The following FIGN variants were observed in gnomAD, a reference collection of about 807,000 sequenced individuals.
FIGN encodes fidgetin, microtubule severing factor.
In FIGN, 11 loss-of-function variants were observed where a neutral mutation model predicts 51.3. The ratio of observed to expected loss-of-function variants is 0.21; its 90% confidence interval spans 0.13 to 0.35. The LOEUF is 0.35. Ranked by LOEUF, FIGN falls within the 10% of genes least tolerant of loss-of-function variation. The pLI, the probability that FIGN is intolerant of heterozygous loss-of-function variation, is 1.00. For synonymous variants in FIGN, 407 were observed against 363.2 expected (o/e 1.12, Z -1.37); for missense variants, 857 against 943.6 (o/e 0.91, Z 1.20).
intron 2 of FIGN, among the ~76,000 whole-genome samples, chr2:163,719,324 AGG>A (rs1412331563): frequency 6.6e-6 from 1 of 152,196 alleles, no homozygotes; most frequent in East Asian, 1.9e-4. Context: ...GGCGGTAAGA[AGG>A]GAGACACAAG....
rs377213389 is a variant in FIGN at position 163,610,500 on chromosome 2, G to A, written c.1332C>T (p.Gly444=). 28 of 1,614,126 alleles carry A rather than the reference G, an allele frequency of 1.7e-5. No homozygotes were observed. In the African/African-American group the frequency reaches 2.9e-4, roughly 17 times the overall value. The change falls in exon 3 of 3, where the codon GGC becomes GGT. Residue 444 remains glycine (G), a synonymous_variant. Coordinates refer to ENST00000333129, the MANE Select transcript of FIGN (RefSeq NM_018086.4). Reference sequence around the variant, plus strand: ...ATGAGGTAGCTGCACGGAGTCCAGGGCCTTGCATTGGGTGAGAGAGGAGCT... The same window carrying A: ...ATGAGGTAGCTGCACGGAGTCCAGGACCTTGCATTGGGTGAGAGAGGAGCT... ...HRQLLSHPMQ[G]PGLRAATSSN... is the part of the protein sequence containing the mutation.
chr2:163,681,454 T>C lies in FIGN; in HGVS notation c.25+53449A>G, dbSNP rs116044305. Among the ~76,000 whole-genome samples the C allele has an allele frequency of 7.0e-3, 1,066 of 152,234 alleles. 11 individuals carry two copies. The highest frequency in any genetic ancestry group is 0.024 in the African/African-American group (981 of 41,542). ...GGCCATGAACAGTGGCTCATAATTA[T>C]AATCCCAGCACTATGAGAGGCTGAG... On this transcript the variant is annotated intron_variant, in intron 2 of 2. Transcript: ENST00000333129.
At chr2:163,657,366 T>C (rs1683577629) in intron 2 of FIGN, among the ~76,000 whole-genome samples, 1 of 152,148 alleles carries the variant, frequency 6.6e-6, no homozygotes, top group Admixed American at 6.6e-5. Context: ...GGTACATGAC[T>C]AGCCTGAAAA....
Position 163,722,245 on chromosome 2 carries a change from G to A in FIGN, c.25+12658C>T, listed in dbSNP as rs536544575. ...AAAGACATTCACGAATTAAGTTATC[G>A]TATCAACTGTAGATCAACTAGTTTG... On this transcript the variant is annotated intron_variant, in intron 2 of 2. Transcript: ENST00000333129. Among the ~76,000 whole-genome samples, 14 of 152,252 alleles carry A rather than the reference G, an allele frequency of 9.2e-5. No individual in the cohort carries two copies. In the South Asian group the frequency reaches 1.2e-3, roughly 14 times the overall value.
intron 2 of FIGN, among the ~76,000 whole-genome samples, chr2:163,697,081 ATTT>A (rs1217357516): frequency 1.2e-4 from 17 of 139,846 alleles, no homozygotes; most frequent in African/African-American, 4.3e-4. Flanking sequence ...TTGTGTCATA[ATTT>A]TTTTTCTTTT....
intron 2 of FIGN, among the ~76,000 whole-genome samples, chr2:163,716,237 C>T (rs1289703099): frequency 6.6e-6 from 1 of 152,174 alleles, no homozygotes; most frequent in Non-Finnish European, 1.5e-5. Flanking sequence ...TCTATGGATG[C>T]TTCTGAATCT....
At chr2:163,614,608 GAAA>G (rs113121034) in intron 2 of FIGN, among the ~76,000 whole-genome samples, 1 of 150,156 alleles carries the variant, frequency 6.7e-6, no homozygotes, top group Non-Finnish European at 1.5e-5. Flanking sequence ...AGAAAAACGT[GAAA>G]AAAAAAGTCT....
At chr2:163,667,338 CAAA>C (rs397952314) in intron 2 of FIGN, among the ~76,000 whole-genome samples, 1 of 127,526 alleles carries the variant, frequency 7.8e-6, no homozygotes. Context: ...ACTATCCCCA[CAAA>C]AAAAAAAAAA....
In FIGN at chr2:163,611,123, T is replaced by C; in HGVS notation, c.709A>G (p.Asn237Asp). The C allele has an allele frequency of 4.3e-6, 7 of 1,614,026 alleles. No homozygotes were observed. The highest frequency in any genetic ancestry group is 5.9e-6 in the Non-Finnish European group (7 of 1,179,974). Reference protein sequence around the residue: ...PPPPALVPGYNGTSNLSSYSY... With the variant: ...PPPPALVPGYDGTSNLSSYSY... ...TAACTGGAGAGGTTAGAAGTCCCATTGTAGCCTGGGACCAAGGCTGGTGGC... is the reference window on the plus strand; with the variant it reads ...TAACTGGAGAGGTTAGAAGTCCCATCGTAGCCTGGGACCAAGGCTGGTGGC... Residue 237 changes from asparagine (N) to aspartate (D), a missense_variant, in exon 3 of 3, where the codon AAT becomes GAT. Asn to Asp is a conservative substitution (Grantham distance 23). Transcript: ENST00000333129.
At position 163,609,370 on chromosome 2, in the gene FIGN, A is replaced by C. The variant is rs969344274; in HGVS notation, c.*182T>G. The C allele has an allele frequency of 1.7e-6, 1 of 601,572 alleles. No individual in the cohort carries two copies. Among genetic ancestry groups the C allele is most frequent in the South Asian group, 2.2e-5 (1 of 44,674 alleles). 37.3% of individuals were successfully genotyped at this position (601,572 alleles called of 1,614,324 possible). On this transcript the variant is annotated 3_prime_UTR_variant, in exon 3 of 3. Coordinates refer to ENST00000333129, the MANE Select transcript of FIGN (RefSeq NM_018086.4). ...TGTCATCTGGGGCTTTCAAATCAGA[A>C]GCTCTCATTTGATGCACTTTTCCTC...
intron 2 of FIGN, among the ~76,000 whole-genome samples, chr2:163,729,619 C>T (rs891045598): frequency 2.0e-5 from 3 of 152,060 alleles, no homozygotes; most frequent in African/African-American, 7.2e-5. Flanking sequence ...AATACTTAAG[C>T]TGAGCTATAG....
chr2:163,634,692 T>C (rs995361596), intron 2 of FIGN, among the ~76,000 whole-genome samples: 6 of 152,232 alleles, frequency 3.9e-5, no homozygotes, highest in Admixed American at 6.5e-5. Flanking sequence ...GAATCCTCTA[T>C]AGCATAGCAT....
chr2:163,674,220 G>C (rs1434917155), intron 2 of FIGN, among the ~76,000 whole-genome samples: 1 of 152,134 alleles, frequency 6.6e-6, no homozygotes, highest in Non-Finnish European at 1.5e-5. Context: ...AGGTGGGAGG[G>C]AGGAGCTTTC....
chr2:163,711,316 G>A lies in FIGN; in HGVS notation c.25+23587C>T, dbSNP rs181935086. ...ATTGAGTAATTAAACACCTATTATT[G>A]TCATGGGTAGTGAAACAATGAATAT... On this transcript the variant is annotated intron_variant, in intron 2 of 2. Transcript: ENST00000333129. Among the ~76,000 whole-genome samples, 7 of 152,244 alleles carry A rather than the reference G, an allele frequency of 4.6e-5. No homozygotes were observed. In the East Asian group the frequency reaches 1.3e-3, roughly 29 times the overall value.
chr2:163,709,740 C>T (rs1223110155), intron 2 of FIGN, among the ~76,000 whole-genome samples: 1 of 152,032 alleles, frequency 6.6e-6, no homozygotes, highest in Non-Finnish European at 1.5e-5. Context: ...ACATAAAACA[C>T]ATACTTCGGG....
At chr2:163,688,354 T>C (rs1432725544) in intron 2 of FIGN, among the ~76,000 whole-genome samples, 3 of 152,126 alleles carry the variant, frequency 2.0e-5, no homozygotes, top group Non-Finnish European at 4.4e-5. Flanking sequence ...ATAATCTAAT[T>C]GAGAGCTATA....
intron 2 of FIGN, among the ~76,000 whole-genome samples, chr2:163,684,598 A>G (rs530977188): frequency 6.6e-6 from 1 of 152,200 alleles, no homozygotes; most frequent in Non-Finnish European, 1.5e-5. Context: ...GTTTTCAGGT[A>G]CATGTCCCCA....
chr2:163,679,866 CTG>C (rs1415529495), intron 2 of FIGN, among the ~76,000 whole-genome samples: 1 of 152,124 alleles, frequency 6.6e-6, no homozygotes, highest in Non-Finnish European at 1.5e-5. Flanking sequence ...ATATTACAAA[CTG>C]TGAATAGTAG....
chr2:163,665,767 T>C (rs1683762975), intron 2 of FIGN, among the ~76,000 whole-genome samples: 1 of 152,124 alleles, frequency 6.6e-6, no homozygotes, highest in African/African-American at 2.4e-5. Context: ...CAACAGAAAA[T>C]CATAAGAGAG....
Sources: gnomAD v4.1 joint callset for allele counts (sites outside exome capture counted in the v4.1 genomes callset) on GRCh38, gnomAD v4.1.1 for gene constraint, MANE v1.5 for transcripts, NCBI Gene and HGNC (gene_info 2026-07-23, HGNC 2026-07-21) for gene names.